The following FKBP5 variants were observed in gnomAD, a reference collection of about 807,000 sequenced individuals.
FKBP5 encodes the protein peptidyl-prolyl cis-trans isomerase FKBP5.
In FKBP5, 23 loss-of-function variants were observed where a neutral mutation model predicts 50.5. That is an observed-to-expected ratio of 0.46 (90% CI 0.33 to 0.65). The LOEUF is 0.65. FKBP5 is among the 30% of genes least tolerant of loss of function. FKBP5 has a pLI of 0.02. For missense variants in FKBP5, 411 were observed against 553.1 expected (o/e 0.74, Z 2.58); for synonymous variants, 176 against 190.6 (o/e 0.92, Z 0.63).
At chr6:35,683,120 ATG>A (rs35830022) in intron 1 of FKBP5, among the ~76,000 whole-genome samples, 4,112 of 80,406 alleles carry the variant, frequency 0.051, 106 homozygotes, top group Non-Finnish European at 0.059. Flanking sequence ...ATATACGTAT[ATG>A]TGTGTGTGTG....
chr6:35,633,235 C>T (rs1043276422), intron 3 of FKBP5, among the ~76,000 whole-genome samples: 5 of 151,910 alleles, frequency 3.3e-5, no homozygotes, highest in Admixed American at 3.3e-4. Context: ...CTACCTAATG[C>T]TATAAAATAT....
intron 7 of FKBP5, among the ~76,000 whole-genome samples, 157 bp from the exon 8 acceptor site, chr6:35,587,274 G>A (rs186372061): frequency 4.7e-4 from 71 of 152,344 alleles, no homozygotes; most frequent in Admixed American, 1.2e-3. Context: ...TGCTAGGCCA[G>A]TGCTTCTTCA....
intron 3 of FKBP5, among the ~76,000 whole-genome samples, chr6:35,628,798 A>T (rs1484765748): frequency 6.6e-6 from 1 of 152,136 alleles, no homozygotes; most frequent in East Asian, 1.9e-4. Flanking sequence ...GGCTTACTGC[A>T]ACCTCCACTC....
intron 1 of FKBP5, among the ~76,000 whole-genome samples, chr6:35,657,204 G>C (rs1469647730): frequency 6.6e-6 from 1 of 152,174 alleles, no homozygotes; most frequent in Non-Finnish European, 1.5e-5. Context: ...GACAAAGTGA[G>C]ACTCCGTCTC....
At chr6:35,722,836 G>C (rs1766636588) in intron 1 of FKBP5, among the ~76,000 whole-genome samples, 1 of 152,166 alleles carries the variant, frequency 6.6e-6, no homozygotes, top group South Asian at 2.1e-4. Context: ...AGTAAACCAG[G>C]GACTCAGACT....
intron 2 of FKBP5, among the ~76,000 whole-genome samples, chr6:35,710,649 C>T (rs1395572972): frequency 6.6e-6 from 1 of 152,140 alleles, no homozygotes; most frequent in African/African-American, 2.4e-5. Flanking sequence ...ATTCTGCTCC[C>T]AAGACAAATA....
intron 1 of FKBP5, among the ~76,000 whole-genome samples, chr6:35,666,225 T>C (rs1406216897): frequency 1.3e-5 from 2 of 151,894 alleles, no homozygotes; most frequent in East Asian, 3.8e-4. Context: ...TTCATATCTT[T>C]AGTAAGAGTA....
Position 35,627,634 on chromosome 6 carries a change from T to G in FKBP5, c.251-7360A>C, listed in dbSNP as rs376939993. On this transcript the variant is annotated intron_variant, in intron 3 of 10. Transcript: ENST00000357266. ...AATTTTGATGTATTCTAATTTATGT[T>G]TAATTTATGATGTACAGTAATTTAT... Among the ~76,000 whole-genome samples the G allele has an allele frequency of 1.3e-5, 2 of 152,352 alleles. 1 individual carries two copies. The highest frequency in any genetic ancestry group is 3.9e-4 in the East Asian group (2 of 5,192).
intron 1 of FKBP5, among the ~76,000 whole-genome samples, chr6:35,678,734 T>C (rs1415878264): frequency 1.3e-5 from 2 of 152,044 alleles, no homozygotes; most frequent in African/African-American, 2.4e-5. Flanking sequence ...AGAAAAAAAA[T>C]TGGTACACCA....
chr6:35,631,981 G>T (rs990275846), intron 3 of FKBP5, among the ~76,000 whole-genome samples: 1 of 146,196 alleles, frequency 6.8e-6, no homozygotes, highest in Non-Finnish European at 1.5e-5. Flanking sequence ...AAAAAGGGTA[G>T]AAATAATTCT....
chr6:35,590,889 A>AG (rs1762798919), intron 7 of FKBP5, among the ~76,000 whole-genome samples: 2 of 87,840 alleles, frequency 2.3e-5, no homozygotes, highest in Non-Finnish European at 4.8e-5. Context: ...CAAAAAAGTT[A>AG]AAAAAAAAAA....
rs1366540532 is a variant in FKBP5, at chr6:35,637,036, T to C, written c.228A>G (p.Pro76=). ...KFDSSHDRNE[P]FVFSLGKGQV... ...TACCTTTGCCAAGACTAAAGACAAATGGTTCATTTCTATCATGACTGGAAT... is the reference window on the plus strand; with the variant it reads ...TACCTTTGCCAAGACTAAAGACAAACGGTTCATTTCTATCATGACTGGAAT... The change falls in exon 3 of 11, where the codon CCA becomes CCG. Residue 76 remains proline, a synonymous_variant. Transcript: ENST00000357266. The C allele has an allele frequency of 1.2e-5, 19 of 1,600,852 alleles. No homozygotes were observed. Among genetic ancestry groups the C allele is most frequent in the Admixed American group, 3.6e-5 (2 of 55,106 alleles).
At chr6:35,706,867 A>G (rs771295014) in intron 2 of FKBP5, among the ~76,000 whole-genome samples, 10 of 152,246 alleles carry the variant, frequency 6.6e-5, no homozygotes, top group African/African-American at 2.4e-4. Flanking sequence ...CATTCAACAT[A>G]TGCAACAATT....
intron 1 of FKBP5, among the ~76,000 whole-genome samples, chr6:35,684,718 C>T (rs1415416032): frequency 6.6e-6 from 1 of 151,976 alleles, no homozygotes; most frequent in African/African-American, 2.4e-5. Flanking sequence ...TTTCATTAAC[C>T]AAATGTTTTC....
At position 35,591,738 on chromosome 6, in the gene FKBP5, G is replaced by C. The variant is rs115435699; in HGVS notation, c.666-518C>G. Among the ~76,000 whole-genome samples the C allele has an allele frequency of 2.0e-3, 309 of 152,266 alleles. 1 individual carries two copies. The highest frequency in any genetic ancestry group is 0.014 in the Middle Eastern group (4 of 294). ...TCCAGTCACATAAGTGAAGGGGAAA[G>C]GCTCACACATCAGGAGAGAAAAGTT... On this transcript the variant is annotated intron_variant, in intron 6 of 10. Transcript: ENST00000357266.
chr6:35,629,403 T>C (rs780300321), intron 3 of FKBP5, among the ~76,000 whole-genome samples: 5 of 152,196 alleles, frequency 3.3e-5, no homozygotes, highest in Non-Finnish European at 5.9e-5. Context: ...TTTAAGACTC[T>C]TTTAAAGTGT....
intron 5 of FKBP5, among the ~76,000 whole-genome samples, chr6:35,598,159 A>C (rs1465596150): frequency 2.0e-5 from 3 of 152,206 alleles, no homozygotes; most frequent in Admixed American, 2.0e-4. Context: ...TTAAAATAAG[A>C]GGCTTTTTCT....
At chr6:35,581,587 AAAAACAAAACAAAAC>A (rs59501604) in intron 8 of FKBP5, 90 of 977,116 alleles carry the variant, frequency 9.2e-5, no homozygotes, top group Middle Eastern at 5.2e-4. Context: ...GAGACTCCTC[AAAAACAAAACAAAAC>A]AAAACAAAAC....
chr6:35,719,001 G>A lies in FKBP5; in HGVS notation c.-20+1327C>T, dbSNP rs562846152. On this transcript the variant is annotated intron_variant, in intron 2 of 11. Transcript: ENST00000536438. Reference sequence around the variant, plus strand: ...AGGGGCAGGGACCTCTAGCAGAACAGGAGGCAGCTGGGCCTGAGCCACAGC... The same window carrying A: ...AGGGGCAGGGACCTCTAGCAGAACAAGAGGCAGCTGGGCCTGAGCCACAGC... 1.1e-4 allele frequency among the ~76,000 whole-genome samples: 17 copies of A among 152,306 alleles called. No homozygotes were observed. The South Asian group carries it at 2.3e-3, about 20-fold the overall frequency.
Sources: allele counts gnomAD v4.1 joint callset (sites outside exome capture counted in the v4.1 genomes callset), GRCh38; gene constraint gnomAD v4.1.1; transcripts MANE v1.5; gene names NCBI Gene and HGNC (gene_info 2026-07-23, HGNC 2026-07-21).